TRHR: variants seen among roughly 807,000 people sequenced by gnomAD.
TRHR encodes the protein thyrotropin releasing hormone receptor.
In TRHR, 14 loss-of-function variants were observed where a neutral mutation model predicts 28.0. That is an observed-to-expected ratio of 0.50 (90% confidence interval 0.33 to 0.78). TRHR has a LOEUF of 0.78. Among genes scored for constraint, TRHR ranks in the 30% least tolerant of loss-of-function variants. The probability of loss-of-function intolerance (pLI) is 0.02; values close to 1 mark genes in which losing one functional copy is unlikely to be tolerated. For synonymous variants in TRHR, 176 were observed against 171.9 expected (o/e 1.02, Z -0.18); for missense variants, 438 against 469.5 (o/e 0.93, Z 0.62).
At chr8:109,088,377 C>A in intron 2 of TRHR, 76 bp downstream of exon 2, 2 of 1,518,252 alleles carry the variant, frequency 1.3e-6, no homozygotes, top group East Asian at 2.3e-5. Flanking sequence ...ACAACTTTTC[C>A]CTGTTTAGCT....
In TRHR at chr8:109,104,356, A is replaced by C. The variant is rs988993648; in HGVS notation, c.790-14692A>C. On this transcript the variant is annotated intron_variant, in intron 2 of 2. Coordinates refer to ENST00000518632, the MANE Select transcript of TRHR (RefSeq NM_003301.7). Reference sequence around the variant, plus strand: ...GATGATTAGCAAGGACAAAATTCACAAAACCATTTTTCTGAAAGAGAAATA... The same window carrying C: ...GATGATTAGCAAGGACAAAATTCACCAAACCATTTTTCTGAAAGAGAAATA... 2.0e-5 allele frequency among the ~76,000 whole-genome samples: 3 copies of C among 152,274 alleles called. No homozygotes were observed. The East Asian group carries it at 5.8e-4, about 29-fold the overall frequency.
At chr8:109,098,601 C>G (rs1036975038) in intron 2 of TRHR, among the ~76,000 whole-genome samples, 4 of 152,172 alleles carry the variant, frequency 2.6e-5, no homozygotes, top group African/African-American at 9.7e-5. Context: ...CATACTAGGA[C>G]ATTTATGATC....
intron 2 of TRHR, among the ~76,000 whole-genome samples, chr8:109,092,435 T>TTATA (rs1439220680): frequency 2.0e-5 from 3 of 150,924 alleles, no homozygotes; most frequent in African/African-American, 7.3e-5. Context: ...TTTATTTTAT[T>TTATA]TATTTATTTA....
intron 2 of TRHR, among the ~76,000 whole-genome samples, chr8:109,089,734 T>C (rs1447882716): frequency 6.6e-6 from 1 of 152,208 alleles, no homozygotes; most frequent in African/African-American, 2.4e-5. Context: ...AGAGATCTAT[T>C]GACTATCTTC....
Position 109,087,413 on chromosome 8 carries a change from G to A in TRHR, c.-88-12G>A, listed in dbSNP as rs1056436100. The A allele has an allele frequency of 2.4e-6, 3 of 1,250,808 alleles. No homozygotes were observed. In the African/African-American group the frequency reaches 4.4e-5, roughly 19 times the overall value. The allele number at this position is 1,250,808 out of a possible 1,614,324, so 77.5% of individuals were successfully genotyped here. On this transcript the variant is annotated splice_polypyrimidine_tract_variant and intron_variant, in intron 1 of 2. Coordinates refer to ENST00000518632, the MANE Select transcript of TRHR (RefSeq NM_003301.7). ...AACACTGTTAATGAATATGTACTAT[G>A]ACCCTTCACAGGGGGATGGAACTGC...
intron 2 of TRHR, among the ~76,000 whole-genome samples, chr8:109,102,220 T>C (rs1173356446): frequency 6.6e-6 from 1 of 151,994 alleles, no homozygotes; most frequent in Non-Finnish European, 1.5e-5. Context: ...AGGCAAGGTA[T>C]TTTTGTCTGC....
Position 109,087,562 on chromosome 8 carries a change from G to A in TRHR, c.50G>A (p.Arg17Gln), listed in dbSNP as rs145633647. The change falls in exon 2 of 3, where the codon CGA (arginine) becomes CAA (glutamine). Residue 17 changes from arginine to glutamine, a missense_variant. Coordinates refer to ENST00000518632, the MANE Select transcript of TRHR (RefSeq NM_003301.7). ...CTGAACCAAACACAGCTTCAGCCAC[G>A]AGCAGTGGTGGCCTTAGAATACCAG... ...SELNQTQLQP[R>Q]AVVALEYQVV... is the part of the protein sequence containing the mutation. 25 of 1,614,178 alleles carry A rather than the reference G, an allele frequency of 1.5e-5. No homozygotes were observed. In the African/African-American group the frequency reaches 2.4e-4, roughly 15 times the overall value.
intron 2 of TRHR, among the ~76,000 whole-genome samples, chr8:109,114,123 A>T (rs1370886186): frequency 6.6e-6 from 1 of 152,068 alleles, no homozygotes; most frequent in Non-Finnish European, 1.5e-5. Flanking sequence ...ATATTTAAAT[A>T]CAGTGGAGAC....
chr8:109,102,091 A>G (rs1811685784), intron 2 of TRHR, among the ~76,000 whole-genome samples: 1 of 152,152 alleles, frequency 6.6e-6, no homozygotes, highest in African/African-American at 2.4e-5. Context: ...GGGGAAATAA[A>G]TAAGATTGCA....
At chr8:109,113,841 G>C (rs1216377534) in intron 2 of TRHR, among the ~76,000 whole-genome samples, 1 of 152,092 alleles carries the variant, frequency 6.6e-6, no homozygotes, top group Non-Finnish European at 1.5e-5. Flanking sequence ...ATAGTAGTTA[G>C]TAATAGAAGA....
rs35948886 is a variant in TRHR, at chr8:109,119,323, C to T, written c.1065C>T (p.Ser355=). The T allele has an allele frequency of 0.012, 20,090 of 1,612,414 alleles. 193 individuals carry two copies. The highest frequency in any genetic ancestry group is 0.042 in the Middle Eastern group (255 of 6,048). ...ACTACAGTGTGGCCCTAAATTACAG[C>T]GTCATCAAGGAGTCAGACCATTTCA... is the stretch of plus-strand genomic sequence containing the variant. The part of the protein sequence containing the change: ...PANYSVALNY[S]VIKESDHFST... Residue 355 remains serine, a synonymous_variant, in exon 3 of 3, where the codon AGC becomes AGT. Transcript: ENST00000518632.
chr8:109,092,849 G>C (rs1238101740), intron 2 of TRHR, among the ~76,000 whole-genome samples: 2 of 151,860 alleles, frequency 1.3e-5, no homozygotes, highest in Non-Finnish European at 2.9e-5. Context: ...ACTAGGAATA[G>C]GCAAAAGCCA....
rs1363103405 is a variant in TRHR at position 109,121,556 on chromosome 8, A to C, written c.*2101A>C. On this transcript the variant is annotated 3_prime_UTR_variant, in exon 3 of 3. Coordinates refer to ENST00000518632, the MANE Select transcript of TRHR (RefSeq NM_003301.7). ...ATTAATAAAAAGTTATGGATTTTGC[A>C]GAATGATTATATCAGGTGTTAAAAA... Among the ~76,000 whole-genome samples the C allele has an allele frequency of 6.6e-6, 1 of 151,800 alleles. No homozygotes were observed. The highest frequency in any genetic ancestry group is 1.5e-5 in the Non-Finnish European group (1 of 67,822).
In TRHR at chr8:109,119,937, GAAAAA is replaced by G. The variant is rs1563629364; in HGVS notation, c.*483_*487del. Among the ~76,000 whole-genome samples, 1 of 151,670 alleles carries G rather than the reference GAAAAA, an allele frequency of 6.6e-6. No homozygotes were observed. The highest frequency in any genetic ancestry group is 1.9e-4 in the East Asian group (1 of 5,164). ...GTTCATGAATATCTGAAATTAAAGG[GAAAAA>G]TATTACAGAAACATTTTATTTATTG... On this transcript the variant is annotated 3_prime_UTR_variant, in exon 3 of 3. Transcript: ENST00000518632.
In TRHR at chr8:109,087,390, C is replaced by T. The variant is rs116293544; in HGVS notation, c.-88-35C>T. ...ATTGGGACTTGATCAGAAATTGTAA[C>T]ACTGTTAATGAATATGTACTATGAC... is the stretch of plus-strand genomic sequence containing the variant. On this transcript the variant is annotated intron_variant, in intron 1 of 2. Coordinates refer to ENST00000518632, the MANE Select transcript of TRHR (RefSeq NM_003301.7). 8.9e-4 allele frequency: 918 copies of T among 1,032,886 alleles called. 9 individuals carry two copies. The African/African-American group carries it at 0.013, about 14-fold the overall frequency. The allele number at this position is 1,032,886 out of a possible 1,614,324, so 64.0% of individuals were successfully genotyped here. A position where few individuals can be genotyped will look rare whatever the true frequency, so the allele number is the denominator to read the frequency against.
At chr8:109,093,959 G>A (rs1366588089) in intron 2 of TRHR, among the ~76,000 whole-genome samples, 3 of 151,966 alleles carry the variant, frequency 2.0e-5, no homozygotes, top group Non-Finnish European at 2.9e-5. Flanking sequence ...GAGAGGCTAC[G>A]TAAAACCTGT....
intron 2 of TRHR, among the ~76,000 whole-genome samples, chr8:109,103,258 A>G (rs939984990): frequency 2.0e-5 from 3 of 152,112 alleles, no homozygotes; most frequent in African/African-American, 7.2e-5. Context: ...TCTTATGTTC[A>G]CAGTCCATTT....
At chr8:109,109,397 C>T (rs1365933302) in intron 2 of TRHR, among the ~76,000 whole-genome samples, 1 of 151,394 alleles carries the variant, frequency 6.6e-6, no homozygotes, top group Non-Finnish European at 1.5e-5. Flanking sequence ...GTCTTATCCT[C>T]TCTAAAATGC....
chr8:109,092,307 T>G (rs971690270), intron 2 of TRHR, among the ~76,000 whole-genome samples: 2 of 151,964 alleles, frequency 1.3e-5, no homozygotes, highest in Non-Finnish European at 2.9e-5. Context: ...ACTTGACTCA[T>G]CAAGCCTTAA....
Sources: allele counts gnomAD v4.1 joint callset (sites outside exome capture counted in the v4.1 genomes callset), GRCh38; gene constraint gnomAD v4.1.1; transcripts MANE v1.5; gene names NCBI Gene and HGNC (gene_info 2026-07-23, HGNC 2026-07-21).